The following PTPRM variants were observed in gnomAD, a reference collection of about 807,000 sequenced individuals.
The protein encoded by PTPRM is protein tyrosine phosphatase receptor type M, also known as receptor-type tyrosine-protein phosphatase mu.
Under a neutral mutation model 186.7 loss-of-function variants are expected in PTPRM, and 47 were observed. The observed-to-expected ratio is 0.25, with a 90% confidence interval of 0.20 to 0.32. PTPRM has a LOEUF of 0.32. PTPRM is among the 10% of genes least tolerant of loss of function. The probability of loss-of-function intolerance (pLI) is 1.00; values close to 1 mark genes in which losing one functional copy is unlikely to be tolerated. For synonymous variants in PTPRM, 668 were observed against 674.9 expected (o/e 0.99, Z 0.16); for missense variants, 1,494 against 1,865.0 (o/e 0.80, Z 3.66).
chr18:8,032,796 A>C (rs2148075576), intron 7 of PTPRM, among the ~76,000 whole-genome samples: 1 of 152,264 alleles, frequency 6.6e-6, no homozygotes, highest in Non-Finnish European at 1.5e-5. Context: ...AGGTAACCAG[A>C]AATGAGTTAT....
intron 7 of PTPRM, among the ~76,000 whole-genome samples, chr18:8,020,047 G>A (rs978871968): frequency 6.6e-6 from 1 of 151,998 alleles, no homozygotes; most frequent in African/African-American, 2.4e-5. Flanking sequence ...TTGCCAAGGA[G>A]AAGGCTTGAT....
chr18:7,591,585 T>C (rs953742196), intron 1 of PTPRM, among the ~76,000 whole-genome samples: 1 of 152,208 alleles, frequency 6.6e-6, no homozygotes, highest in African/African-American at 2.4e-5. Context: ...CAACTTATTC[T>C]TTTTACTTTT....
At chr18:7,600,562 A>G (rs541978336) in intron 1 of PTPRM, among the ~76,000 whole-genome samples, 1 of 152,330 alleles carries the variant, frequency 6.6e-6, no homozygotes, top group East Asian at 1.9e-4. Context: ...TGACTTCAGT[A>G]ACTCAAAAGT....
At chr18:7,831,355 C>G (rs1471724363) in intron 2 of PTPRM, among the ~76,000 whole-genome samples, 1 of 151,394 alleles carries the variant, frequency 6.6e-6, no homozygotes, top group Non-Finnish European at 1.5e-5. Context: ...GTAGGGAAAG[C>G]CTTCCTGAGT....
In PTPRM at chr18:8,028,739, G is replaced by A. The variant is rs1157374646; in HGVS notation, c.1133-40947G>A. Among the ~76,000 whole-genome samples, 6 of 152,188 alleles carry A rather than the reference G, an allele frequency of 3.9e-5. No individual in the cohort carries two copies. The East Asian group carries it at 5.8e-4, about 15-fold the overall frequency. On this transcript the variant is annotated intron_variant, in intron 7 of 32. Coordinates refer to ENST00000580170, the MANE Select transcript of PTPRM (RefSeq NM_001105244.2). ...GTACTAGTCTGGGTAAAAGAAGAGCGTATTTCTGCCTTGCTAGTACATCAG... is the reference window on the plus strand; with the variant it reads ...GTACTAGTCTGGGTAAAAGAAGAGCATATTTCTGCCTTGCTAGTACATCAG...
chr18:7,942,494 C>T (rs1277293755), intron 5 of PTPRM, among the ~76,000 whole-genome samples: 1 of 152,034 alleles, frequency 6.6e-6, no homozygotes, highest in Non-Finnish European at 1.5e-5. Flanking sequence ...TGTGACATTC[C>T]TGCCCTCCAG....
chr18:7,725,008 G>A (rs1377757294), intron 1 of PTPRM, among the ~76,000 whole-genome samples: 1 of 152,150 alleles, frequency 6.6e-6, no homozygotes, highest in Non-Finnish European at 1.5e-5. Flanking sequence ...TCCATCTATG[G>A]CAGCTAGTTC....
chr18:8,012,339 A>T (rs1600063876), intron 7 of PTPRM, among the ~76,000 whole-genome samples: 1 of 152,316 alleles, frequency 6.6e-6, no homozygotes, highest in East Asian at 1.9e-4. Flanking sequence ...TCTGTGACAG[A>T]TCGACAGGCC....
chr18:8,285,939 T>G (rs1048496929), intron 19 of PTPRM, among the ~76,000 whole-genome samples: 1 of 152,140 alleles, frequency 6.6e-6, no homozygotes, highest in African/African-American at 2.4e-5. Flanking sequence ...TGCAGTGAGC[T>G]GAGATCACAC....
chr18:7,850,757 C>T (rs1021848469), intron 2 of PTPRM, among the ~76,000 whole-genome samples: 4 of 152,180 alleles, frequency 2.6e-5, no homozygotes, highest in African/African-American at 9.6e-5. Context: ...TGAATCCACT[C>T]TGGATGAAAG....
intron 14 of PTPRM, among the ~76,000 whole-genome samples, chr18:8,194,722 A>G (rs1335728319): frequency 2.6e-5 from 4 of 152,252 alleles, no homozygotes. Flanking sequence ...TTCAAAGGAA[A>G]TGTAGAAATC....
chr18:7,651,018 G>A (rs2038690497), intron 1 of PTPRM, among the ~76,000 whole-genome samples: 2 of 149,792 alleles, frequency 1.3e-5, no homozygotes, highest in South Asian at 4.2e-4. Context: ...TGCAAACTCT[G>A]CCTCTCAGGT....
intron 7 of PTPRM, among the ~76,000 whole-genome samples, chr18:8,053,108 T>G (rs2087632279): frequency 6.6e-6 from 1 of 152,198 alleles, no homozygotes; most frequent in Non-Finnish European, 1.5e-5. Context: ...TATTCTGTGC[T>G]TTGCCTTTTA....
At chr18:8,244,287 A>AG in intron 15 of PTPRM, 78 bp downstream of exon 15, 12 of 1,333,058 alleles carry the variant, frequency 9.0e-6, no homozygotes, top group Non-Finnish European at 1.2e-5. Context: ...GGGATTTCAA[A>AG]AAAAAAAAAA....
chr18:7,661,549 AT>A (rs2038998632), intron 1 of PTPRM, among the ~76,000 whole-genome samples: 1 of 152,240 alleles, frequency 6.6e-6, no homozygotes, highest in Admixed American at 6.5e-5. Context: ...GTAAATGGAA[AT>A]GTAATCTGCA....
At chr18:8,349,195 A>G (rs2095521251) in intron 23 of PTPRM, among the ~76,000 whole-genome samples, 1 of 152,238 alleles carries the variant, frequency 6.6e-6, no homozygotes, top group Admixed American at 6.5e-5. Flanking sequence ...CACCAGACCC[A>G]GGATCAATGA....
intron 1 of PTPRM, among the ~76,000 whole-genome samples, chr18:7,597,486 TTTAA>T (rs2037296006): frequency 1.3e-5 from 2 of 152,178 alleles, no homozygotes; most frequent in South Asian, 4.1e-4. Context: ...GGCATGGGAA[TTTAA>T]TTATGTATTT....
In PTPRM at chr18:7,834,992, CTTTT is replaced by C. The variant is rs57839485; in HGVS notation, c.197-53095_197-53092del. ...CATGTTTGATGTTATTTATTTGGAT[CTTTT>C]TTTTTTTTTTTTTTTTTTAGTCTGG... On this transcript the variant is annotated intron_variant, in intron 2 of 32. Transcript: ENST00000580170. Among the ~76,000 whole-genome samples the C allele has an allele frequency of 2.9e-3, 251 of 85,246 alleles. 1 individual carries two copies. Among genetic ancestry groups the C allele is most frequent in the East Asian group, 0.012 (33 of 2,710 alleles). The allele number at this position is 85,246 out of a possible 152,430, so 55.9% of individuals were successfully genotyped here.
At chr18:7,784,643 C>T (rs1011939771) in intron 2 of PTPRM, among the ~76,000 whole-genome samples, 2 of 152,200 alleles carry the variant, frequency 1.3e-5, no homozygotes, top group African/African-American at 2.4e-5. Context: ...TCAGATCTAC[C>T]AAGACCACCC....
Sources: gnomAD v4.1 joint callset for allele counts (sites outside exome capture counted in the v4.1 genomes callset) on GRCh38, gnomAD v4.1.1 for gene constraint, MANE v1.5 for transcripts, NCBI Gene and HGNC (gene_info 2026-07-23, HGNC 2026-07-21) for gene names.